ZNF534: variants seen among roughly 807,000 people sequenced by gnomAD.
The protein encoded by ZNF534 is KRAB domain only 3.
ZNF534 carries 19 observed loss-of-function variants against 13.6 expected under a neutral mutation model. The ratio of observed to expected loss-of-function variants is 1.40; its 90% CI spans 0.97 to 2.05. The LOEUF is 2.05. Ranked by LOEUF, ZNF534 falls within the 30% of genes most tolerant of loss-of-function variation. ZNF534 has a pLI of 0.00. For missense variants in ZNF534, 782 were observed against 796.3 expected (o/e 0.98, Z 0.22); for synonymous variants, 244 against 273.8 (o/e 0.89, Z 1.07).
intron 4 of ZNF534, among the ~76,000 whole-genome samples, chr19:52,450,104 T>C (rs2059207963): frequency 2.0e-5 from 3 of 152,226 alleles, no homozygotes; most frequent in African/African-American, 4.8e-5. Flanking sequence ...ACTGTAAATA[T>C]TTTCTCTAAT....
intron 2 of ZNF534, among the ~76,000 whole-genome samples, chr19:52,433,023 A>G (rs2059098990): frequency 6.6e-6 from 1 of 151,996 alleles, no homozygotes; most frequent in Admixed American, 6.6e-5. Context: ...TGGGAGGATC[A>G]CTTGAGCTTA....
At chr19:52,451,750 G>T in exon 5 of ZNF534, 1 of 677,236 alleles carries the variant, frequency 1.5e-6, no homozygotes. Context: ...TGGTATCACA[G>T]ATGAAGATTA....
chr19:52,442,511 C>T (rs1213698211), downstream of ZNF534, among the ~76,000 whole-genome samples: 1 of 152,248 alleles, frequency 6.6e-6, no homozygotes, highest in African/African-American at 2.4e-5. Flanking sequence ...TCATGGCTCT[C>T]AGCTCTGAAG....
chr19:52,443,478 ATTGAG>A (rs1337075230), downstream of ZNF534, among the ~76,000 whole-genome samples: 1 of 151,866 alleles, frequency 6.6e-6, no homozygotes, highest in African/African-American at 2.4e-5. Flanking sequence ...TCTTTGTTGG[ATTGAG>A]TTAATTCAGA....
chr19:52,450,832 G>T (rs1032162597), intron 4 of ZNF534, among the ~76,000 whole-genome samples: 8 of 151,608 alleles, frequency 5.3e-5, no homozygotes, highest in African/African-American at 1.9e-4. Context: ...GACCACAGGT[G>T]CATGCCACCG....
intron 4 of ZNF534, among the ~76,000 whole-genome samples, chr19:52,437,038 A>T (rs1023574440): frequency 3.3e-5 from 5 of 151,968 alleles, no homozygotes; most frequent in African/African-American, 1.2e-4. Flanking sequence ...GGGAGACCTT[A>T]GTTGCTGTAA....
At chr19:52,436,092 A>C (rs915081077) in intron 4 of ZNF534, among the ~76,000 whole-genome samples, 1 of 151,742 alleles carries the variant, frequency 6.6e-6, no homozygotes, top group African/African-American at 2.4e-5. Context: ...TCCCGCCACC[A>C]TGCCTGGCTA....
exon 5 of ZNF534, chr19:52,451,336 T>C: frequency 9.2e-7 from 1 of 1,082,774 alleles, no homozygotes; most frequent in Non-Finnish European, 1.4e-6. Context: ...TCCTTCCGTT[T>C]CTGCTTCGCT....
chr19:52,430,705 A>G (rs1411025732), intron 1 of ZNF534, among the ~76,000 whole-genome samples: 8 of 150,030 alleles, frequency 5.3e-5, no homozygotes, highest in African/African-American at 1.2e-4. Context: ...GCCTGCCATT[A>G]CCCAGCTAAA....
At position 52,441,305 on chromosome 19, in the gene ZNF534, A is replaced by G. The variant is rs2059171411; in HGVS notation, c.*1859A>G. ...CAAGGTGAGAGGATTGCTTGAACCCAGGAGTTTGAGACCAACCTGGGTAAC... is the reference window on the plus strand; with the variant it reads ...CAAGGTGAGAGGATTGCTTGAACCCGGGAGTTTGAGACCAACCTGGGTAAC... On this transcript the variant is annotated 3_prime_UTR_variant, in exon 5 of 5. Transcript: ENST00000433050. 6.6e-6 allele frequency among the ~76,000 whole-genome samples: 1 copy of G among 152,220 alleles called. No individual in the cohort carries two copies.
At position 52,440,790 on chromosome 19, in the gene ZNF534, AAAG is replaced by A. The variant is rs1449263935; in HGVS notation, c.*1347_*1349del. Among the ~76,000 whole-genome samples, 20 of 152,218 alleles carry A rather than the reference AAAG, an allele frequency of 1.3e-4. 1 individual carries two copies. The South Asian group carries it at 1.9e-3, about 14-fold the overall frequency. ...TGAGATTCTGTCTCAAAAAAAAAAA[AAAG>A]AATTCATACTGGAAGGAAGCGTTAC... is the stretch of plus-strand genomic sequence containing the variant. On this transcript the variant is annotated 3_prime_UTR_variant, in exon 5 of 5. Coordinates refer to ENST00000433050, the MANE Select transcript of ZNF534 (RefSeq NM_001143938.3).
Position 52,438,484 on chromosome 19 carries a change from A to T in ZNF534, c.1024A>T (p.Thr342Ser). The T allele has an allele frequency of 6.3e-7, 1 of 1,596,290 alleles. No individual in the cohort carries two copies. Among genetic ancestry groups the T allele is most frequent in the Non-Finnish European group, 8.5e-7 (1 of 1,170,640 alleles). The change falls in exon 5 of 5, where the codon ACC (threonine) becomes TCC (serine). Residue 342 changes from threonine to serine, a missense_variant. By Grantham distance (58) the Thr-to-Ser change is moderately conservative. Coordinates refer to ENST00000433050, the MANE Select transcript of ZNF534 (RefSeq NM_001143938.3). Reference protein sequence around the residue: ...GKVFRHKSSLTTHQTVHTGER... With the variant: ...GKVFRHKSSLSTHQTVHTGER... ...GGTCTTCAGGCATAAGTCTTCCCTA[A>T]CCACTCATCAGACAGTTCATACTGG...
Position 52,439,544 on chromosome 19 carries a change from C to T in ZNF534, c.*98C>T. ...GGATCATGAGGTCAGGAGATTGAGACCATCCTGGCTAACACGGTGAAACCC... is the reference window on the plus strand; with the variant it reads ...GGATCATGAGGTCAGGAGATTGAGATCATCCTGGCTAACACGGTGAAACCC... On this transcript the variant is annotated 3_prime_UTR_variant, in exon 5 of 5. Coordinates refer to ENST00000433050, the MANE Select transcript of ZNF534 (RefSeq NM_001143938.3). 9.0e-7 allele frequency: 1 copy of T among 1,115,880 alleles called. No homozygotes were observed. The highest frequency in any genetic ancestry group is 1.8e-5 in the South Asian group (1 of 56,868). 69.1% of individuals were successfully genotyped at this position (1,115,880 alleles called of 1,614,324 possible).
chr19:52,448,284 G>C (rs970337203), intron 4 of ZNF534, among the ~76,000 whole-genome samples: 3 of 152,128 alleles, frequency 2.0e-5, no homozygotes, highest in African/African-American at 7.2e-5. Flanking sequence ...TGTAATCCCA[G>C]CTACTTGGGA....
rs2059168931 is a variant in ZNF534 at position 52,440,975 on chromosome 19, C to T, written c.*1529C>T. 3.3e-5 allele frequency among the ~76,000 whole-genome samples: 5 copies of T among 151,434 alleles called. No individual in the cohort carries two copies. The highest frequency in any genetic ancestry group is 3.3e-4 in the Admixed American group (5 of 15,194). On this transcript the variant is annotated 3_prime_UTR_variant, in exon 5 of 5. Transcript: ENST00000433050. ...GGAGTGCAGTGGTGTAATCTCAGCTCACTGCAACCGCCACCTCCTAGGTTC... is the reference window on the plus strand; with the variant it reads ...GGAGTGCAGTGGTGTAATCTCAGCTTACTGCAACCGCCACCTCCTAGGTTC...
Position 52,439,523 on chromosome 19 carries a change from C to T in ZNF534, c.*77C>T. 7.5e-7 allele frequency: 1 copy of T among 1,336,034 alleles called. No homozygotes were observed. Among genetic ancestry groups the T allele is most frequent in the Non-Finnish European group, 1.0e-6 (1 of 997,724 alleles). 82.8% of individuals were successfully genotyped at this position (1,336,034 alleles called of 1,614,324 possible). A position where few individuals can be genotyped will look rare whatever the true frequency, so the allele number is the denominator to read the frequency against. On this transcript the variant is annotated 3_prime_UTR_variant, in exon 5 of 5. Coordinates refer to ENST00000433050, the MANE Select transcript of ZNF534 (RefSeq NM_001143938.3). ...CTTTGGGAGTCCGAGGCAGGTGGATCATGAGGTCAGGAGATTGAGACCATC... is the reference window on the plus strand; with the variant it reads ...CTTTGGGAGTCCGAGGCAGGTGGATTATGAGGTCAGGAGATTGAGACCATC...
chr19:52,441,970 C>A lies in ZNF534; in HGVS notation c.*2524C>A, dbSNP rs1822885928. 6.6e-6 allele frequency among the ~76,000 whole-genome samples: 1 copy of A among 152,134 alleles called. No individual in the cohort carries two copies. The highest frequency in any genetic ancestry group is 2.4e-5 in the African/African-American group (1 of 41,440). Reference sequence around the variant, plus strand: ...TTAGCATTAATGAACATCAGAGGTTCCATACTAAGGAGAAATCATATAAAT... The same window carrying A: ...TTAGCATTAATGAACATCAGAGGTTACATACTAAGGAGAAATCATATAAAT... On this transcript the variant is annotated 3_prime_UTR_variant, in exon 5 of 5. Transcript: ENST00000433050.
At position 52,439,031 on chromosome 19, in the gene ZNF534, G is replaced by A. The variant is rs200774876; in HGVS notation, c.1571G>A (p.Cys524Tyr). Residue 524 changes from cysteine to tyrosine, a missense_variant, in exon 5 of 5, where the codon TGT becomes TAT. Coordinates refer to ENST00000433050, the MANE Select transcript of ZNF534 (RefSeq NM_001143938.3). Reference sequence around the variant, plus strand: ...CATACTGGAGAGAAGCCTTACAGTTGTAATGAATGTGGCAAGGTCTTCCGT... The same window carrying A: ...CATACTGGAGAGAAGCCTTACAGTTATAATGAATGTGGCAAGGTCTTCCGT... ...DIHTGEKPYSCNECGKVFRRN... is the reference protein window; with the variant it reads ...DIHTGEKPYSYNECGKVFRRN... 9.0e-4 allele frequency: 1,434 copies of A among 1,599,704 alleles called. No homozygotes were observed. The highest frequency in any genetic ancestry group is 9.2e-4 in the Admixed American group (53 of 57,432).
At position 52,441,797 on chromosome 19, in the gene ZNF534, T is replaced by C. The variant is rs2059174455; in HGVS notation, c.*2351T>C. Among the ~76,000 whole-genome samples, 1 of 152,128 alleles carries C rather than the reference T, an allele frequency of 6.6e-6. No homozygotes were observed. Among genetic ancestry groups the C allele is most frequent in the Non-Finnish European group, 1.5e-5 (1 of 68,020 alleles). ...ACCACATAGAGAGAAACCTTACAAATACAAATCACCACATAATGGAGAGAA... is the reference window on the plus strand; with the variant it reads ...ACCACATAGAGAGAAACCTTACAAACACAAATCACCACATAATGGAGAGAA... On this transcript the variant is annotated 3_prime_UTR_variant, in exon 5 of 5. Coordinates refer to ENST00000433050, the MANE Select transcript of ZNF534 (RefSeq NM_001143938.3).
Sources: gnomAD v4.1 joint callset for allele counts (sites outside exome capture counted in the v4.1 genomes callset) on GRCh38, gnomAD v4.1.1 for gene constraint, MANE v1.5 for transcripts, NCBI Gene and HGNC (gene_info 2026-07-23, HGNC 2026-07-21) for gene names.